EEFSEC: variants seen among roughly 807,000 people sequenced by gnomAD.
EEFSEC encodes the protein eukaryotic elongation factor, selenocysteine-tRNA specific, also known as selenocysteine-specific elongation factor.
A neutral mutation model predicts 42.1 loss-of-function variants in EEFSEC; 43 were observed. The observed-to-expected ratio is 1.02, with a 90% CI of 0.80 to 1.32. The LOEUF (loss-of-function observed/expected upper bound fraction) is 1.32. Ranked by LOEUF, EEFSEC falls within the 40% of genes most tolerant of loss-of-function variation. EEFSEC has a pLI of 0.00. For missense variants in EEFSEC, 745 were observed against 803.6 expected (o/e 0.93, Z 0.88); for synonymous variants, 354 against 339.1 (o/e 1.04, Z -0.48).
intron 6 of EEFSEC, among the ~76,000 whole-genome samples, chr3:128,388,731 G>A (rs1012617142): frequency 1.3e-5 from 2 of 152,254 alleles, no homozygotes; most frequent in African/African-American, 2.4e-5. Context: ...CGGCCAGAGC[G>A]TCTAGCAGAG....
At chr3:128,412,886 C>T (rs752088624), downstream of EEFSEC, among the ~76,000 whole-genome samples, 4 of 152,098 alleles carry the variant, frequency 2.6e-5, no homozygotes, top group South Asian at 4.2e-4. Flanking sequence ...GTGATGGGGG[C>T]GCTATGAACA....
At chr3:128,348,294 G>C (rs1020600272) in intron 5 of EEFSEC, among the ~76,000 whole-genome samples, 1 of 149,752 alleles carries the variant, frequency 6.7e-6, no homozygotes, top group Non-Finnish European at 1.5e-5. Flanking sequence ...GTGTGTGTGC[G>C]TGTGTGTGTG....
At chr3:128,250,775 G>T (rs577608802) in intron 2 of EEFSEC, among the ~76,000 whole-genome samples, 116 of 152,296 alleles carry the variant, frequency 7.6e-4, no homozygotes, top group Non-Finnish European at 1.3e-3. Flanking sequence ...CTGTGGAAAG[G>T]TTGTTGGAAT....
chr3:128,294,527 C>G (rs889580648), intron 4 of EEFSEC, among the ~76,000 whole-genome samples: 3 of 152,228 alleles, frequency 2.0e-5, no homozygotes, highest in African/African-American at 7.2e-5. Flanking sequence ...CCCCTCTGGA[C>G]TGAGCAGCAG....
intron 1 of EEFSEC, among the ~76,000 whole-genome samples, chr3:128,203,566 T>C (rs2065663795): frequency 1.3e-5 from 2 of 152,214 alleles, no homozygotes; most frequent in Non-Finnish European, 2.9e-5. Flanking sequence ...GATGGAGGTC[T>C]GTAGGAAGTA....
chr3:128,374,853 T>C (rs6768256), intron 6 of EEFSEC, among the ~76,000 whole-genome samples: 14,944 of 152,226 alleles, frequency 0.098, 1,738 homozygotes, highest in African/African-American at 0.28. Flanking sequence ...AGGAAAGTGC[T>C]CCAAGTCACA....
At chr3:128,251,956 A>AGG (rs2066191733) in intron 2 of EEFSEC, among the ~76,000 whole-genome samples, 1 of 152,214 alleles carries the variant, frequency 6.6e-6, no homozygotes, top group African/African-American at 2.4e-5. Context: ...TTTTTCCCCC[A>AGG]GGATCCCTGT....
chr3:128,221,679 A>G (rs1345554945), intron 1 of EEFSEC, among the ~76,000 whole-genome samples: 2 of 152,230 alleles, frequency 1.3e-5, no homozygotes, highest in South Asian at 4.1e-4. Context: ...AGGAGTTTAC[A>G]GACAAAATTA....
chr3:128,176,071 A>T (rs994890781), intron 1 of EEFSEC, among the ~76,000 whole-genome samples: 1 of 152,226 alleles, frequency 6.6e-6, no homozygotes, highest in African/African-American at 2.4e-5. Context: ...AGTGTATGGA[A>T]CCTATACTCT....
chr3:128,228,610 G>A (rs1370929999), intron 1 of EEFSEC, among the ~76,000 whole-genome samples: 2 of 151,986 alleles, frequency 1.3e-5, no homozygotes, highest in Non-Finnish European at 2.9e-5. Flanking sequence ...GACCTCCTGT[G>A]ACCCTCACTC....
chr3:128,299,249 G>T (rs1576619188), intron 4 of EEFSEC, among the ~76,000 whole-genome samples: 2 of 151,872 alleles, frequency 1.3e-5, no homozygotes, highest in Admixed American at 1.3e-4. Flanking sequence ...TTGTCTTTTT[G>T]ATTAAAGCCA....
chr3:128,184,358 C>T (rs1281849721), intron 1 of EEFSEC, among the ~76,000 whole-genome samples: 1 of 152,182 alleles, frequency 6.6e-6, no homozygotes, highest in East Asian at 1.9e-4. Flanking sequence ...CCCCTCCCAC[C>T]AGCTCCTGGC....
chr3:128,189,521 T>C (rs1559861048), intron 1 of EEFSEC, among the ~76,000 whole-genome samples: 2 of 152,040 alleles, frequency 1.3e-5, no homozygotes, highest in African/African-American at 2.4e-5. Flanking sequence ...ATACTAGACT[T>C]GTTATTATTT....
rs768426772 is a variant in EEFSEC at position 128,247,039 on chromosome 3, AC to A, written c.522del (p.Lys175SerfsTer35). On this transcript the variant is annotated frameshift_variant, in exon 2 of 7. Coordinates refer to ENST00000254730, the MANE Select transcript of EEFSEC (RefSeq NM_021937.5). LOFTEE classifies it high-confidence loss of function. ...TKKMQKTLEN[T>X]KFRGAPIIPV... ...GAAAATGCAGAAGACCCTAGAGAAC[AC>A]CAAGTAGGTCTGCTAATGAGAGCAA... The A allele has an allele frequency of 1.9e-6, 3 of 1,613,938 alleles. No homozygotes were observed. Among genetic ancestry groups the A allele is most frequent in the Non-Finnish European group, 2.5e-6 (3 of 1,180,004 alleles).
intron 5 of EEFSEC, among the ~76,000 whole-genome samples, chr3:128,345,259 C>G (rs763927182): frequency 2.6e-5 from 4 of 152,174 alleles, no homozygotes; most frequent in African/African-American, 9.7e-5. Flanking sequence ...AATGTTTAAG[C>G]TCTTAGAGTC....
intron 2 of EEFSEC, among the ~76,000 whole-genome samples, chr3:128,254,013 A>G (rs1353225256): frequency 3.3e-5 from 5 of 152,246 alleles, no homozygotes; most frequent in African/African-American, 1.2e-4. Context: ...CAACCAGGCC[A>G]GGGCAGTGGG....
the EEFSEC span, among the ~76,000 whole-genome samples, chr3:128,418,158 C>T: frequency 9.2e-5 from 14 of 152,096 alleles, no homozygotes; most frequent in South Asian, 6.2e-4. Flanking sequence ...CCTCTGCCTA[C>T]GCTGATGCCC....
chr3:128,215,313 A>C lies in EEFSEC; in HGVS notation c.317-31523A>C, dbSNP rs73861029. Among the ~76,000 whole-genome samples the C allele has an allele frequency of 7.9e-3, 1,204 of 152,296 alleles. 18 individuals are homozygous for C. The highest frequency in any genetic ancestry group is 0.028 in the African/African-American group (1,153 of 41,556). ...AGGCAACATGGCCTTCCCTGGGGGA[A>C]GGAACCTGGGTCTGAATTCAGAGGA... On this transcript the variant is annotated intron_variant, in intron 1 of 6. Coordinates refer to ENST00000254730, the MANE Select transcript of EEFSEC (RefSeq NM_021937.5).
At chr3:128,260,934 G>A (rs899437846) in intron 2 of EEFSEC, among the ~76,000 whole-genome samples, 4 of 148,690 alleles carry the variant, frequency 2.7e-5, no homozygotes, top group African/African-American at 5.0e-5. Context: ...ACTCTTAGAT[G>A]TGTACCCCAC....
Sources: gnomAD v4.1 joint callset for allele counts (sites outside exome capture counted in the v4.1 genomes callset) on GRCh38, gnomAD v4.1.1 for gene constraint, MANE v1.5 for transcripts, NCBI Gene and HGNC (gene_info 2026-07-23, HGNC 2026-07-21) for gene names.